The following CNTNAP2 variants were observed in gnomAD, a reference collection of about 807,000 sequenced individuals.
CNTNAP2 encodes contactin associated protein 2.
CNTNAP2 carries 98 observed loss-of-function variants against 155.2 expected under a neutral mutation model. That is an observed-to-expected ratio of 0.63 (90% CI 0.54 to 0.75). The LOEUF is 0.75. Among genes scored for constraint, CNTNAP2 ranks in the 30% least tolerant of loss-of-function variants. The pLI, the probability that CNTNAP2 is intolerant of heterozygous loss-of-function variation, is 0.00. For missense variants in CNTNAP2, 1,727 were observed against 1,688.1 expected (o/e 1.02, Z -0.40); for synonymous variants, 651 against 631.2 (o/e 1.03, Z -0.47).
chr7:147,958,593 A>G (rs1233101403), intron 14 of CNTNAP2, among the ~76,000 whole-genome samples: 1 of 152,182 alleles, frequency 6.6e-6, no homozygotes, highest in Admixed American at 6.5e-5. Flanking sequence ...TTCCTTTTAC[A>G]GGTTGATTCA....
intron 4 of CNTNAP2, among the ~76,000 whole-genome samples, chr7:147,066,868 C>T (rs1051697689): frequency 6.6e-6 from 1 of 152,132 alleles, no homozygotes; most frequent in African/African-American, 2.4e-5. Flanking sequence ...GTTTTGGGGA[C>T]TGGAAATCTA....
intron 15 of CNTNAP2, among the ~76,000 whole-genome samples, chr7:147,994,535 G>T (rs1801768738): frequency 2.0e-5 from 3 of 152,164 alleles, no homozygotes; most frequent in Admixed American, 6.5e-5. Flanking sequence ...ATGGGGACAG[G>T]TCTTTCCAGC....
chr7:146,497,164 G>A (rs1484366898), intron 1 of CNTNAP2, among the ~76,000 whole-genome samples: 1 of 152,088 alleles, frequency 6.6e-6, no homozygotes, highest in Non-Finnish European at 1.5e-5. Flanking sequence ...TATTGAATCT[G>A]GTCTCAGGAC....
intron 9 of CNTNAP2, among the ~76,000 whole-genome samples, chr7:147,390,369 A>G (rs1319792148): frequency 6.6e-6 from 1 of 152,220 alleles, no homozygotes; most frequent in Non-Finnish European, 1.5e-5. Flanking sequence ...GGCTCAATGT[A>G]GTAATAATTT....
chr7:146,536,335 C>T (rs1366988010), intron 1 of CNTNAP2, among the ~76,000 whole-genome samples: 3 of 152,034 alleles, frequency 2.0e-5, no homozygotes. Context: ...ATTAGTTCCA[C>T]ATCATTAATA....
chr7:147,524,296 A>G (rs2116712420), intron 11 of CNTNAP2, among the ~76,000 whole-genome samples: 1 of 152,280 alleles, frequency 6.6e-6, no homozygotes, highest in South Asian at 2.1e-4. Flanking sequence ...TGGCTGAGGC[A>G]GGACAATTGC....
intron 1 of CNTNAP2, among the ~76,000 whole-genome samples, chr7:146,342,433 A>C (rs1319637246): frequency 6.6e-6 from 1 of 152,186 alleles, no homozygotes; most frequent in East Asian, 1.9e-4. Context: ...AAAAGCACAA[A>C]CATCAAGAAC....
chr7:146,564,018 A>G (rs1798319946), intron 1 of CNTNAP2, among the ~76,000 whole-genome samples: 1 of 152,162 alleles, frequency 6.6e-6, no homozygotes, highest in Admixed American at 6.5e-5. Flanking sequence ...TCAAATACCC[A>G]TATTCTGTAA....
chr7:146,876,460 C>T (rs1393400950), intron 3 of CNTNAP2, among the ~76,000 whole-genome samples: 2 of 152,054 alleles, frequency 1.3e-5, no homozygotes, highest in Non-Finnish European at 2.9e-5. Context: ...AGATAAAACT[C>T]TATAATAAAA....
intron 13 of CNTNAP2, among the ~76,000 whole-genome samples, chr7:147,872,012 G>C (rs959489522): frequency 5.3e-5 from 8 of 152,152 alleles, no homozygotes; most frequent in African/African-American, 9.7e-5. Context: ...AATTACCACT[G>C]TCCCTAGCAG....
chr7:146,525,705 C>T (rs1401230887), intron 1 of CNTNAP2, among the ~76,000 whole-genome samples: 1 of 152,106 alleles, frequency 6.6e-6, no homozygotes, highest in Non-Finnish European at 1.5e-5. Flanking sequence ...TGCTTTGAGG[C>T]CTTCCATAGC....
At chr7:148,186,878 A>G (rs1224555830) in intron 18 of CNTNAP2, among the ~76,000 whole-genome samples, 3 of 152,120 alleles carry the variant, frequency 2.0e-5, no homozygotes, top group Non-Finnish European at 4.4e-5. Flanking sequence ...TATTCTCCCA[A>G]TGCCCCAGGA....
intron 2 of CNTNAP2, among the ~76,000 whole-genome samples, chr7:146,798,269 C>A (rs1366966229): frequency 6.6e-6 from 1 of 151,572 alleles, no homozygotes; most frequent in Non-Finnish European, 1.5e-5. Flanking sequence ...TAGAGCCAGA[C>A]CCTGTCTCCA....
chr7:147,031,910 T>C (rs1299768729), intron 3 of CNTNAP2, among the ~76,000 whole-genome samples: 1 of 152,124 alleles, frequency 6.6e-6, no homozygotes, highest in Non-Finnish European at 1.5e-5. Flanking sequence ...AGAAAAAGAC[T>C]CTGTCAAAAC....
intron 10 of CNTNAP2, among the ~76,000 whole-genome samples, chr7:147,418,929 A>G (rs1368327622): frequency 1.3e-5 from 2 of 152,196 alleles, no homozygotes; most frequent in Non-Finnish European, 2.9e-5. Context: ...TTTCATGACC[A>G]CTGTGTCTGA....
intron 13 of CNTNAP2, among the ~76,000 whole-genome samples, chr7:147,816,303 G>A (rs1798265508): frequency 6.6e-6 from 1 of 152,176 alleles, no homozygotes. Context: ...CCATTCTGAG[G>A]ATGGGGGATG....
intron 2 of CNTNAP2, among the ~76,000 whole-genome samples, chr7:146,816,042 C>T (rs1488021310): frequency 1.3e-5 from 2 of 152,128 alleles, no homozygotes; most frequent in Non-Finnish European, 2.9e-5. Flanking sequence ...ATAGTTTGCT[C>T]AGAATGATAG....
At chr7:147,362,723 C>T (rs1029827546) in intron 9 of CNTNAP2, among the ~76,000 whole-genome samples, 1 of 152,056 alleles carries the variant, frequency 6.6e-6, no homozygotes, top group African/African-American at 2.4e-5. Context: ...TCATAAAACG[C>T]ATACCCAAGG....
chr7:147,756,239 C>T (rs1324457524), intron 13 of CNTNAP2, among the ~76,000 whole-genome samples: 1 of 152,164 alleles, frequency 6.6e-6, no homozygotes, highest in African/African-American at 2.4e-5. Context: ...CCTGTCTAAA[C>T]ATATGGAATT....
Sources: gnomAD v4.1 joint callset for allele counts (sites outside exome capture counted in the v4.1 genomes callset) on GRCh38, gnomAD v4.1.1 for gene constraint, MANE v1.5 for transcripts, NCBI Gene and HGNC (gene_info 2026-07-23, HGNC 2026-07-21) for gene names.